The following HSPA4 variants were observed in gnomAD, a reference collection of about 807,000 sequenced individuals.
The protein encoded by HSPA4 is heat shock protein family A (Hsp70) member 4, also known as heat shock 70 kDa protein 4.
Under a neutral mutation model 106.2 loss-of-function variants are expected in HSPA4, and 25 were observed. The ratio of observed to expected loss-of-function variants is 0.24; its 90% CI spans 0.17 to 0.33. HSPA4 has a LOEUF of 0.33. Ranked by LOEUF, HSPA4 falls within the 10% of genes least tolerant of loss-of-function variation. HSPA4 has a pLI of 1.00. For missense variants in HSPA4, 841 were observed against 996.0 expected (o/e 0.84, Z 2.10); for synonymous variants, 332 against 333.6 (o/e 1.00, Z 0.05).
Position 133,099,529 on chromosome 5 carries a change from T to C in HSPA4, c.1930-16T>C. 1 of 1,329,442 alleles carries C rather than the reference T, an allele frequency of 7.5e-7. No individual in the cohort carries two copies. The highest frequency in any genetic ancestry group is 1.1e-6 in the Non-Finnish European group (1 of 925,448). The allele number at this position is 1,329,442 out of a possible 1,614,324, so 82.4% of individuals were successfully genotyped here. ...ATTTTTGATTGACCTAATTATAATA[T>C]TTTCTTTATCATTAGGATCGTAACA... On this transcript the variant is annotated splice_polypyrimidine_tract_variant and intron_variant, in intron 15 of 18. Transcript: ENST00000304858.
chr5:133,082,229 A>G (rs1765521760), intron 7 of HSPA4, among the ~76,000 whole-genome samples: 1 of 152,200 alleles, frequency 6.6e-6, no homozygotes, highest in Non-Finnish European at 1.5e-5. Context: ...AAATCTATAG[A>G]GACAGAAAGT....
At chr5:133,069,313 G>A (rs998101557) in intron 3 of HSPA4, among the ~76,000 whole-genome samples, 2 of 151,450 alleles carry the variant, frequency 1.3e-5, no homozygotes, top group African/African-American at 2.4e-5. Context: ...GCAGTGGCAC[G>A]ATGTAGGTTT....
chr5:133,076,996 A>T (rs1312952521), intron 7 of HSPA4, 98 bp downstream of exon 7: 1 of 1,121,482 alleles, frequency 8.9e-7, no homozygotes, highest in African/African-American at 1.6e-5. Flanking sequence ...CACGGAGGTT[A>T]TATGATAATT....
intron 14 of HSPA4, 30 bp from the exon 15 acceptor site, chr5:133,097,131 G>A (rs1765722311): frequency 6.3e-7 from 1 of 1,576,602 alleles, no homozygotes; most frequent in African/African-American, 1.3e-5. Flanking sequence ...TTGTCCTAAT[G>A]TCTGATTTAT....
chr5:133,104,215 CTG>C lies in HSPA4; in HGVS notation c.2320-16_2320-15del, dbSNP rs775902364. The C allele has an allele frequency of 6.2e-7, 1 of 1,608,246 alleles. No homozygotes were observed. The highest frequency in any genetic ancestry group is 1.1e-5 in the South Asian group (1 of 90,456). ...GTTAATTTTATAAGAAACCAGTTTT[CTG>C]TCTTACCCATTCCAGGAGCTGACAA... On this transcript the variant is annotated splice_polypyrimidine_tract_variant and intron_variant, in intron 18 of 18. Coordinates refer to ENST00000304858, the MANE Select transcript of HSPA4 (RefSeq NM_002154.4).
In HSPA4 at chr5:133,092,712, G is replaced by C; in HGVS notation, c.1573G>C (p.Asp525His). The C allele has an allele frequency of 6.2e-7, 1 of 1,611,854 alleles. No individual in the cohort carries two copies. The highest frequency in any genetic ancestry group is 8.5e-7 in the Non-Finnish European group (1 of 1,178,570). ...NAKEEEKMQVDQEEPHVEEQQ... is the reference protein window; with the variant it reads ...NAKEEEKMQVHQEEPHVEEQQ... ...ACCTGTTTTTCAGAAGATGCAAGTG[G>C]ACCAGGAGGAACCACATGTTGAAGA... Residue 525 changes from aspartate (D) to histidine (H), a missense_variant, in exon 13 of 19, where the codon GAC (aspartate) becomes CAC (histidine). This residue lies in a region of HSPA4 where 328 missense variants were observed against 372.2 expected (regional missense o/e 0.88). Transcript: ENST00000304858.
chr5:133,089,811 C>A lies in HSPA4; in HGVS notation c.1378+116C>A, dbSNP rs762279989. On this transcript the variant is annotated intron_variant, in intron 11 of 18. Coordinates refer to ENST00000304858, the MANE Select transcript of HSPA4 (RefSeq NM_002154.4). The stretch of plus-strand genomic sequence containing the variant: ...GGAGGATCACTTGAGCTGAGGAGTT[C>A]GAGATCAGCCTGGGCAACATAGTGG... The A allele has an allele frequency of 4.2e-6, 3 of 717,992 alleles. No homozygotes were observed. In the South Asian group the frequency reaches 9.0e-5, roughly 22 times the overall value. 44.5% of individuals were successfully genotyped at this position (717,992 alleles called of 1,614,324 possible).
At chr5:133,067,153 T>C (rs1339761121) in intron 2 of HSPA4, among the ~76,000 whole-genome samples, 2 of 152,328 alleles carry the variant, frequency 1.3e-5, no homozygotes, top group African/African-American at 2.4e-5. Flanking sequence ...AAAATACTTA[T>C]GCAAGTATAA....
chr5:133,085,489 T>TA lies in HSPA4; in HGVS notation c.909-1280dup, dbSNP rs747012950. On this transcript the variant is annotated intron_variant, in intron 7 of 18. Transcript: ENST00000304858. ...CAACATGGTGAAATCCCATCTCTACTAAAAAAAAAAAAATACAAAATTAGC... is the reference window on the plus strand; with the variant it reads ...CAACATGGTGAAATCCCATCTCTACTAAAAAAAAAAAAAATACAAAATTAGC... 1.7e-3 allele frequency among the ~76,000 whole-genome samples: 190 copies of TA among 110,214 alleles called. 7 individuals carry two copies. The highest frequency in any genetic ancestry group is 5.3e-3 in the African/African-American group (106 of 20,110). 72.3% of individuals were successfully genotyped at this position (110,214 alleles called of 152,430 possible).
Position 133,104,694 on chromosome 5 carries a change from C to T in HSPA4, c.*258C>T, listed in dbSNP as rs568433852. The T allele has an allele frequency of 9.5e-6, 4 of 420,970 alleles. No homozygotes were observed. The East Asian group carries it at 1.9e-4, about 20-fold the overall frequency. 26.1% of individuals were successfully genotyped at this position (420,970 alleles called of 1,614,324 possible). A position where few individuals can be genotyped will look rare whatever the true frequency, so the allele number is the denominator to read the frequency against. On this transcript the variant is annotated 3_prime_UTR_variant, in exon 19 of 19. Transcript: ENST00000304858. ...GTCTTACTGAGCTTATGCTTCACTC[C>T]TTTATGTTTAACCATGTGTCTACAA...
chr5:133,067,458 A>T lies in HSPA4; in HGVS notation c.207A>T (p.Arg69Ser). 6.2e-7 allele frequency: 1 copy of T among 1,613,874 alleles called. No homozygotes were observed. Among genetic ancestry groups the T allele is most frequent in the South Asian group, 1.1e-5 (1 of 91,076 alleles). The change falls in exon 3 of 19, where the codon AGA (arginine) becomes AGT (serine). Residue 69 changes from arginine (R) to serine (S), a missense_variant. Physicochemically the swap from Arg to Ser is moderately radical, Grantham distance 110. This residue lies in a region of HSPA4 where 347 missense variants were observed against 408.7 expected (regional missense o/e 0.85). Coordinates refer to ENST00000304858, the MANE Select transcript of HSPA4 (RefSeq NM_002154.4). ...AGAACACAGTCCAAGGATTTAAAAG[A>T]TTCCATGGCCGAGCATTCTCTGATC... ...NAKNTVQGFK[R>S]FHGRAFSDPF...
rs1765292149 is a variant in HSPA4 at position 133,065,133 on chromosome 5, A to G, written c.165+96A>G. ...TGCCCATTATGTGCCTAACACTGGT[A>G]GGCCTTGGGAATACAACTGGCAGAT... On this transcript the variant is annotated intron_variant, in intron 2 of 18. Coordinates refer to ENST00000304858, the MANE Select transcript of HSPA4 (RefSeq NM_002154.4). 3 of 995,580 alleles carry G rather than the reference A, an allele frequency of 3.0e-6. No homozygotes were observed. The African/African-American group carries it at 4.8e-5, about 16-fold the overall frequency. The allele number at this position is 995,580 out of a possible 1,614,324, so 61.7% of individuals were successfully genotyped here. A position where few individuals can be genotyped will look rare whatever the true frequency, so the allele number is the denominator to read the frequency against.
intron 2 of HSPA4, among the ~76,000 whole-genome samples, chr5:133,066,782 C>T (rs944006242): frequency 2.1e-5 from 3 of 145,776 alleles, no homozygotes; most frequent in African/African-American, 7.6e-5. Context: ...AGTGCAGTGG[C>T]CCTGTCAGCG....
intron 1 of HSPA4, among the ~76,000 whole-genome samples, chr5:133,054,957 C>G (rs1179909962): frequency 6.6e-6 from 1 of 152,130 alleles, no homozygotes; most frequent in Non-Finnish European, 1.5e-5. Context: ...GAACAGTGTT[C>G]CTATCCTTTC....
chr5:133,064,391 A>G (rs1017200398), intron 1 of HSPA4, among the ~76,000 whole-genome samples: 1 of 152,146 alleles, frequency 6.6e-6, no homozygotes, highest in Non-Finnish European at 1.5e-5. Context: ...CTGTAATCCC[A>G]GCTACTTGGG....
At position 133,106,102 on chromosome 5, in the gene HSPA4, A is replaced by ATTTTTTTTTTTTTTTT. The variant is rs70974072; in HGVS notation, c.*1689_*1704dup. ...GCCATTTCTTCTTAAAAAAAAAAAA[A>ATTTTTTTTTTTTTTTT]TTTTTTTTTTTTTTTTTTTTTTTTT... is the stretch of plus-strand genomic sequence containing the variant. On this transcript the variant is annotated 3_prime_UTR_variant, in exon 19 of 19. Coordinates refer to ENST00000304858, the MANE Select transcript of HSPA4 (RefSeq NM_002154.4). The ATTTTTTTTTTTTTTTT allele has an allele frequency of 3.5e-5, 2 of 57,162 alleles. No homozygotes were observed. Among genetic ancestry groups the ATTTTTTTTTTTTTTTT allele is most frequent in the Non-Finnish European group, 3.1e-5 (1 of 32,404 alleles). 3.5% of individuals were successfully genotyped at this position (57,162 alleles called of 1,614,324 possible). A position where few individuals can be genotyped will look rare whatever the true frequency, so the allele number is the denominator to read the frequency against.
intron 7 of HSPA4, among the ~76,000 whole-genome samples, chr5:133,086,259 C>T (rs1316527447): frequency 6.9e-6 from 1 of 144,384 alleles, no homozygotes; most frequent in Admixed American, 6.6e-5. Flanking sequence ...ATTAGGTGTC[C>T]TTCCCATCTC....
chr5:133,062,006 AGAATACGT>A (rs1257464970), intron 1 of HSPA4, among the ~76,000 whole-genome samples: 6 of 152,204 alleles, frequency 3.9e-5, no homozygotes, highest in African/African-American at 1.4e-4. Flanking sequence ...GAATTTCTAG[AGAATACGT>A]GAAGGTACTA....
At chr5:133,096,615 C>T (rs1213513397) in intron 14 of HSPA4, among the ~76,000 whole-genome samples, 1 of 152,152 alleles carries the variant, frequency 6.6e-6, no homozygotes, top group African/African-American at 2.4e-5. Flanking sequence ...AATCGTATGG[C>T]ATTAATGGTG....
Sources: allele counts gnomAD v4.1 joint callset (sites outside exome capture counted in the v4.1 genomes callset), GRCh38; gene constraint gnomAD v4.1.1; regional missense constraint gnomAD v4.1.1; transcripts MANE v1.5; gene names NCBI Gene and HGNC (gene_info 2026-07-23, HGNC 2026-07-21).